GALNT6: variants seen among roughly 807,000 people sequenced by gnomAD.
GALNT6 encodes GalNAc transferase 6.
Under a neutral mutation model 65.9 loss-of-function variants are expected in GALNT6, and 51 were observed. The observed-to-expected ratio is 0.77, with a 90% CI of 0.62 to 0.98. GALNT6 has a LOEUF of 0.98. Ranked by LOEUF, GALNT6 falls within the 50% of genes least tolerant of loss-of-function variation. The pLI is 0.00. For synonymous variants in GALNT6, 323 were observed against 315.1 expected (o/e 1.02, Z -0.26); for missense variants, 708 against 803.3 (o/e 0.88, Z 1.43).
At chr12:51,354,823 T>C (rs1946700160) in intron 11 of GALNT6, among the ~76,000 whole-genome samples, 1 of 152,198 alleles carries the variant, frequency 6.6e-6, no homozygotes, top group African/African-American at 2.4e-5. Flanking sequence ...ACCTCCAATT[T>C]TCTGCCTTGG....
rs754447566 is a variant in GALNT6 at position 51,360,702 on chromosome 12, A to G, written c.1167+19T>C. On this transcript the variant is annotated intron_variant, in intron 7 of 11. Transcript: ENST00000356317. ...GCCTGGGATGTTGTGGTTCCCCCCA[A>G]AGCCCTCTTCACTCTCACCCGGAAG... The G allele has an allele frequency of 1.4e-6, 2 of 1,425,906 alleles. No individual in the cohort carries two copies. Among genetic ancestry groups the G allele is most frequent in the Non-Finnish European group, 2.0e-6 (2 of 1,009,154 alleles). The allele number at this position is 1,425,906 out of a possible 1,614,324, so 88.3% of individuals were successfully genotyped here.
At position 51,379,880 on chromosome 12, in the gene GALNT6, T is replaced by A; in HGVS notation, c.-99A>T. 1 of 1,241,964 alleles carries A rather than the reference T, an allele frequency of 8.1e-7. No homozygotes were observed. Among genetic ancestry groups the A allele is most frequent in the Non-Finnish European group, 1.1e-6 (1 of 914,626 alleles). The allele number at this position is 1,241,964 out of a possible 1,614,324, so 76.9% of individuals were successfully genotyped here. On this transcript the variant is annotated 5_prime_UTR_variant, in exon 3 of 12. Transcript: ENST00000356317. Reference sequence around the variant, plus strand: ...GTTGTGGTGGCCACAAGCTGGGGCCTCAGCCTGAGAAAGGAGGGGACAAGA... The same window carrying A: ...GTTGTGGTGGCCACAAGCTGGGGCCACAGCCTGAGAAAGGAGGGGACAAGA...
intron 2 of GALNT6, among the ~76,000 whole-genome samples, chr12:51,381,474 G>A (rs1026724156): frequency 2.6e-5 from 4 of 152,170 alleles, no homozygotes; most frequent in African/African-American, 9.7e-5. Flanking sequence ...CAATGGCAAG[G>A]GACCTGGGCA....
intron 3 of GALNT6, among the ~76,000 whole-genome samples, chr12:51,377,647 C>A (rs1005684111): frequency 2.6e-5 from 4 of 152,184 alleles, no homozygotes; most frequent in Non-Finnish European, 5.9e-5. Context: ...CCTCCACCCC[C>A]TTCCTTCATC....
intron 4 of GALNT6, among the ~76,000 whole-genome samples, chr12:51,365,982 A>T (rs569271295): frequency 7.9e-5 from 12 of 152,074 alleles, no homozygotes; most frequent in Non-Finnish European, 1.6e-4. Context: ...CAATGGCGTG[A>T]TCTTGGCTCA....
At chr12:51,364,616 G>T (rs2137601688) in intron 5 of GALNT6, among the ~76,000 whole-genome samples, 1 of 152,358 alleles carries the variant, frequency 6.6e-6, no homozygotes, top group Non-Finnish European at 1.5e-5. Flanking sequence ...TGACCCAAAA[G>T]CACAGGGAGG....
intron 8 of GALNT6, 47 bp downstream of exon 8, chr12:51,359,085 C>A: frequency 6.8e-7 from 1 of 1,463,404 alleles, no homozygotes; most frequent in Non-Finnish European, 9.6e-7. Flanking sequence ...GGTCTGGGGG[C>A]CGTACTTCTC....
In GALNT6 at chr12:51,354,475, G is replaced by A. The variant is rs1385153627; in HGVS notation, c.1773C>T (p.Asn591=). The A allele has an allele frequency of 7.5e-6, 12 of 1,597,082 alleles. No individual in the cohort carries two copies. Among genetic ancestry groups the A allele is most frequent in the Non-Finnish European group, 9.4e-6 (11 of 1,172,234 alleles). ...WELAQDQLIR[N]SGSGTCLTSQ... ...ATGTCAGGCAGGTACCAGATCCTGA[G>A]TTCCTGATGAGCTGATCCTAAAAGA... Residue 591 remains asparagine (N), a synonymous_variant, in exon 12 of 12, where the codon AAC becomes AAT. Coordinates refer to ENST00000356317, the MANE Select transcript of GALNT6 (RefSeq NM_007210.4).
chr12:51,390,464 G>A (rs747850227), intron 2 of GALNT6, among the ~76,000 whole-genome samples: 1 of 152,082 alleles, frequency 6.6e-6, no homozygotes, highest in Admixed American at 6.6e-5. Flanking sequence ...ACATGTGGCC[G>A]GAACCAAAGC....
At chr12:51,368,966 G>A (rs1413179287) in intron 4 of GALNT6, among the ~76,000 whole-genome samples, 2 of 152,136 alleles carry the variant, frequency 1.3e-5, no homozygotes, top group African/African-American at 2.4e-5. Flanking sequence ...GGAAGGGAGG[G>A]GCCTGGTCTG....
Position 51,365,624 on chromosome 12 carries a change from A to G in GALNT6, c.665-45T>C, listed in dbSNP as rs200923829. 4.9e-3 allele frequency: 7,864 copies of G among 1,594,658 alleles called. 23 individuals carry two copies. The highest frequency in any genetic ancestry group is 6.1e-3 in the Non-Finnish European group (7,082 of 1,166,678). On this transcript the variant is annotated intron_variant, in intron 4 of 11. Transcript: ENST00000356317. ...TGTGGCCAGTCCACCACTTTGCTGT[A>G]TACCCAATCCCCTGTGGGCACCAAG...
chr12:51,354,319 C>T lies in GALNT6; in HGVS notation c.*60G>A, dbSNP rs1946683688. ...AGAAGCTGGTGATCAGGTTCCCAGA[C>T]ATCAGCAATCCTGTTTCCTGAGGAG... On this transcript the variant is annotated 3_prime_UTR_variant, in exon 12 of 12. Transcript: ENST00000356317. The T allele has an allele frequency of 4.2e-6, 4 of 944,112 alleles. No homozygotes were observed. Among genetic ancestry groups the T allele is most frequent in the East Asian group, 2.8e-5 (1 of 35,112 alleles). The allele number at this position is 944,112 out of a possible 1,614,324, so 58.5% of individuals were successfully genotyped here.
chr12:51,388,674 G>T (rs908302853), intron 2 of GALNT6, among the ~76,000 whole-genome samples: 1 of 151,994 alleles, frequency 6.6e-6, no homozygotes, highest in African/African-American at 2.4e-5. Flanking sequence ...AGGCCTAGAC[G>T]GTAGACCACC....
intron 4 of GALNT6, among the ~76,000 whole-genome samples, chr12:51,370,783 G>A (rs556593985): frequency 6.6e-6 from 1 of 151,946 alleles, no homozygotes; most frequent in Non-Finnish European, 1.5e-5. Context: ...GGTGACTCAC[G>A]CATGTAATCC....
Position 51,357,318 on chromosome 12 carries a change from G to A in GALNT6, c.1602+31C>T, listed in dbSNP as rs776832930. ...AGAGAAAAGGAGCCGGTGAGGAGAGGAGATGCTCCGGAGATGGGTGGGCTG... is the reference window on the plus strand; with the variant it reads ...AGAGAAAAGGAGCCGGTGAGGAGAGAAGATGCTCCGGAGATGGGTGGGCTG... On this transcript the variant is annotated intron_variant, in intron 10 of 11. Coordinates refer to ENST00000356317, the MANE Select transcript of GALNT6 (RefSeq NM_007210.4). 24 of 1,368,200 alleles carry A rather than the reference G, an allele frequency of 1.8e-5. No individual in the cohort carries two copies. The East Asian group carries it at 2.5e-4, about 14-fold the overall frequency. The allele number at this position is 1,368,200 out of a possible 1,614,324, so 84.8% of individuals were successfully genotyped here. A position where few individuals can be genotyped will look rare whatever the true frequency, so the allele number is the denominator to read the frequency against.
In GALNT6 at chr12:51,377,667, C is replaced by T. The variant is rs532527493; in HGVS notation, c.492-300G>A. ...ACCCCCTTCCTTCATCTGCTATCTG[C>T]TCTCAGGCTAGGAGTTCCCAGGGCT... On this transcript the variant is annotated intron_variant, in intron 3 of 11. Coordinates refer to ENST00000356317, the MANE Select transcript of GALNT6 (RefSeq NM_007210.4). Among the ~76,000 whole-genome samples the T allele has an allele frequency of 1.1e-3, 160 of 152,334 alleles. 1 individual carries two copies. The highest frequency in any genetic ancestry group is 3.6e-3 in the African/African-American group (150 of 41,582).
intron 4 of GALNT6, among the ~76,000 whole-genome samples, chr12:51,376,864 G>A (rs2137714787): frequency 6.6e-6 from 1 of 152,274 alleles, no homozygotes; most frequent in Admixed American, 6.5e-5. Context: ...GCAGAAGAGT[G>A]GCCCAGCGGG....
At chr12:51,382,098 C>T (rs1947693082) in intron 2 of GALNT6, among the ~76,000 whole-genome samples, 1 of 152,166 alleles carries the variant, frequency 6.6e-6, no homozygotes, top group African/African-American at 2.4e-5. Flanking sequence ...TTCAGCAGCA[C>T]CGTCAAAAAT....
chr12:51,373,990 G>A (rs1947372079), intron 4 of GALNT6, among the ~76,000 whole-genome samples: 1 of 152,112 alleles, frequency 6.6e-6, no homozygotes, highest in African/African-American at 2.4e-5. Flanking sequence ...CCTCCAAGTA[G>A]CTGGAACCAC....
Sources: gnomAD v4.1 joint callset for allele counts (sites outside exome capture counted in the v4.1 genomes callset) on GRCh38, gnomAD v4.1.1 for gene constraint, MANE v1.5 for transcripts, NCBI Gene and HGNC (gene_info 2026-07-23, HGNC 2026-07-21) for gene names.